The following ERBB4 variants were observed in gnomAD, a reference collection of about 807,000 sequenced individuals.
ERBB4 encodes the protein receptor tyrosine-protein kinase erbB-4.
Under a neutral mutation model 158.0 loss-of-function variants are expected in ERBB4, and 42 were observed. The observed-to-expected ratio is 0.27, with a 90% CI of 0.21 to 0.34. The LOEUF (loss-of-function observed/expected upper bound fraction) is 0.34, where lower values mean the gene tolerates loss of function less well. ERBB4 is among the 10% of genes least tolerant of loss of function. ERBB4 has a pLI of 1.00. For missense variants in ERBB4, 1,333 were observed against 1,624.1 expected, an observed-to-expected ratio of 0.82 and a Z score of 3.08; for synonymous variants, 583 against 558.7, an observed-to-expected ratio of 1.04 and a Z score of -0.61.
intron 1 of ERBB4, among the ~76,000 whole-genome samples, chr2:212,231,467 T>C (rs999745335): frequency 6.6e-6 from 1 of 152,188 alleles, no homozygotes; most frequent in Non-Finnish European, 1.5e-5. Flanking sequence ...CCCATGAAGG[T>C]GAGTGCCAGA....
At chr2:211,638,831 C>A (rs1453946328) in intron 16 of ERBB4, among the ~76,000 whole-genome samples, 1 of 152,072 alleles carries the variant, frequency 6.6e-6, no homozygotes, top group Non-Finnish European at 1.5e-5. Context: ...AGTTTCAGAG[C>A]AAACCTTCCT....
chr2:212,256,350 TATC>T (rs773856637), intron 1 of ERBB4, among the ~76,000 whole-genome samples: 2 of 152,170 alleles, frequency 1.3e-5, no homozygotes, highest in East Asian at 1.9e-4. Flanking sequence ...TAATTTGCCT[TATC>T]ATCGTCATCA....
chr2:212,170,358 A>G (rs968697187), intron 1 of ERBB4, among the ~76,000 whole-genome samples: 1 of 152,166 alleles, frequency 6.6e-6, no homozygotes, highest in Non-Finnish European at 1.5e-5. Context: ...ACTTATGTTT[A>G]AAAAGGAAGC....
chr2:211,797,024 T>A, intron 3 of ERBB4, among the ~76,000 whole-genome samples: 1 of 151,932 alleles, frequency 6.6e-6, no homozygotes, highest in Non-Finnish European at 1.5e-5. Flanking sequence ...TAGGTGATTA[T>A]CTCTCTGATA....
chr2:211,717,567 C>T (rs899749871), intron 7 of ERBB4, among the ~76,000 whole-genome samples: 23 of 152,054 alleles, frequency 1.5e-4, no homozygotes, highest in South Asian at 2.1e-4. Flanking sequence ...CGGTGGCTCA[C>T]GCCTGTAATC....
At chr2:212,452,690 C>T (rs151163063) in intron 1 of ERBB4, among the ~76,000 whole-genome samples, 3,367 of 152,154 alleles carry the variant, frequency 0.022, 72 homozygotes, top group Admixed American at 0.039. Flanking sequence ...GCATTTAAAA[C>T]TGCATCTTAC....
intron 19 of ERBB4, among the ~76,000 whole-genome samples, chr2:211,583,636 A>G (rs1185585584): frequency 1.3e-5 from 2 of 151,604 alleles, no homozygotes; most frequent in Non-Finnish European, 3.0e-5. Flanking sequence ...GTTGTAACAA[A>G]TAAGTATCTA....
At chr2:211,817,121 C>T (rs761793036) in intron 3 of ERBB4, among the ~76,000 whole-genome samples, 15 of 152,160 alleles carry the variant, frequency 9.9e-5, no homozygotes, top group Non-Finnish European at 2.1e-4. Flanking sequence ...TTTGAAAAGT[C>T]CATCCTCAAA....
intron 3 of ERBB4, among the ~76,000 whole-genome samples, chr2:211,824,953 T>C (rs1436397018): frequency 4.6e-5 from 7 of 151,962 alleles, no homozygotes; most frequent in Non-Finnish European, 8.8e-5. Context: ...TACACTAGGG[T>C]ACAGTAAAAC....
intron 3 of ERBB4, among the ~76,000 whole-genome samples, chr2:211,946,576 C>CTTTTTTTTTTTTTTTTTTTTT (rs56007115): frequency 2.0e-5 from 1 of 49,586 alleles, no homozygotes; most frequent in Non-Finnish European, 3.5e-5. Context: ...AATTAGCTCT[C>CTTTTTTTTTTTTTTTTTTTTT]TTTTTTTTTT....
chr2:212,347,460 G>A (rs1319437546), intron 1 of ERBB4, among the ~76,000 whole-genome samples: 1 of 152,096 alleles, frequency 6.6e-6, no homozygotes, highest in East Asian at 1.9e-4. Flanking sequence ...GACAGATATT[G>A]GAGTGTTGGA....
At chr2:211,784,951 G>C (rs1258698576) in intron 4 of ERBB4, among the ~76,000 whole-genome samples, 1 of 151,908 alleles carries the variant, frequency 6.6e-6, no homozygotes, top group African/African-American at 2.4e-5. Flanking sequence ...TTTTTCATTG[G>C]ATTATTTGCT....
intron 1 of ERBB4, among the ~76,000 whole-genome samples, chr2:212,346,043 A>C (rs759604562): frequency 2.8e-4 from 43 of 152,198 alleles, no homozygotes; most frequent in Non-Finnish European, 5.4e-4. Flanking sequence ...AGCTTATTTA[A>C]GGTGATAATC....
chr2:212,458,333 C>T (rs1688404420), intron 1 of ERBB4, among the ~76,000 whole-genome samples: 1 of 151,900 alleles, frequency 6.6e-6, no homozygotes, highest in African/African-American at 2.4e-5. Flanking sequence ...TTTAGTTAGG[C>T]TCTGAAAGAT....
At position 212,210,560 on chromosome 2, in the gene ERBB4, T is replaced by C. The variant is rs181720457; in HGVS notation, c.83-85657A>G. On this transcript the variant is annotated intron_variant, in intron 1 of 27. Coordinates refer to ENST00000342788, the MANE Select transcript of ERBB4 (RefSeq NM_005235.3). ...ATCCATCAATCAGAGAAATAGATGATCCAAAAGTGGATTGAATGGATAGGG... is the reference window on the plus strand; with the variant it reads ...ATCCATCAATCAGAGAAATAGATGACCCAAAAGTGGATTGAATGGATAGGG... Among the ~76,000 whole-genome samples the C allele has an allele frequency of 5.8e-3, 885 of 152,210 alleles. 6 individuals carry two copies. Among genetic ancestry groups the C allele is most frequent in the Middle Eastern group, 0.024 (7 of 294 alleles).
Position 211,379,962 on chromosome 2 carries a change from A to T in ERBB4, c.*3653T>A. On this transcript the variant is annotated 3_prime_UTR_variant, in exon 28 of 28. Transcript: ENST00000342788. Reference sequence around the variant, plus strand: ...ACAGTCCTTTTCTTGATTTTTCCTTAGCATTGTAAGTATGCACAATCTTCA... The same window carrying T: ...ACAGTCCTTTTCTTGATTTTTCCTTTGCATTGTAAGTATGCACAATCTTCA... 1 of 232,042 alleles carries T rather than the reference A, an allele frequency of 4.3e-6. No homozygotes were observed. The highest frequency in any genetic ancestry group is 2.2e-5 in the African/African-American group (1 of 45,370). The allele number at this position is 232,042 out of a possible 1,614,324, so 14.4% of individuals were successfully genotyped here.
chr2:211,774,860 G>A (rs763304081), intron 4 of ERBB4, among the ~76,000 whole-genome samples: 3 of 152,164 alleles, frequency 2.0e-5, no homozygotes, highest in Admixed American at 6.5e-5. Flanking sequence ...CTTATGCAAT[G>A]GAGAATGTCT....
At chr2:212,225,114 C>G (rs889554047) in intron 1 of ERBB4, among the ~76,000 whole-genome samples, 3 of 151,726 alleles carry the variant, frequency 2.0e-5, no homozygotes, top group Non-Finnish European at 4.4e-5. Flanking sequence ...TTTATGTCCC[C>G]TTTTTCCTCC....
chr2:212,213,479 T>A (rs9653338), intron 1 of ERBB4, among the ~76,000 whole-genome samples: 6,646 of 152,030 alleles, frequency 0.044, 443 homozygotes, highest in African/African-American at 0.15. Flanking sequence ...CAGTTTTTAA[T>A]GTAGATCTTA....
Sources: gnomAD v4.1 joint callset for allele counts (sites outside exome capture counted in the v4.1 genomes callset) on GRCh38, gnomAD v4.1.1 for gene constraint, MANE v1.5 for transcripts, NCBI Gene and HGNC (gene_info 2026-07-23, HGNC 2026-07-21) for gene names.